The following OLA1 variants were observed in gnomAD, a reference collection of about 807,000 sequenced individuals.
OLA1 encodes the protein Obg like ATPase 1, also known as obg-like ATPase 1.
OLA1 carries 14 observed loss-of-function variants against 48.4 expected under a neutral mutation model. The observed-to-expected ratio is 0.29, with a 90% CI of 0.19 to 0.45. The LOEUF (loss-of-function observed/expected upper bound fraction) is 0.45, where lower values mean the gene tolerates loss of function less well. OLA1 is among the 20% of genes least tolerant of loss of function. The probability of loss-of-function intolerance (pLI) is 1.00; values close to 1 mark genes in which losing one functional copy is unlikely to be tolerated. For missense variants in OLA1, 325 were observed against 467.1 expected (o/e 0.70, Z 2.80); for synonymous variants, 127 against 150.4 (o/e 0.84, Z 1.14).
At position 174,079,066 on chromosome 2, in the gene OLA1, C is replaced by T. The variant is rs1260051628; in HGVS notation, c.991G>A (p.Ala331Thr). 2 of 1,603,118 alleles carry T rather than the reference C, an allele frequency of 1.2e-6. No homozygotes were observed. Among genetic ancestry groups the T allele is most frequent in the Admixed American group, 3.4e-5 (2 of 58,712 alleles). The change falls in exon 10 of 11, where the codon GCA (alanine) becomes ACA (threonine). Residue 331 changes from alanine (A) to threonine (T), a missense_variant. Physicochemically the swap from Ala to Thr is moderately conservative, Grantham distance 58. Transcript: ENST00000284719. ...TCAAAATCTGTGTGAATCTTTCCTG[C>T]AGCCTGAGGAGCCTTAGTCCCTTTC... ...IRKGTKAPQA[A>T]GKIHTDFEKG...
chr2:174,097,096 C>T (rs937879966), intron 7 of OLA1, among the ~76,000 whole-genome samples: 1 of 152,092 alleles, frequency 6.6e-6, no homozygotes, highest in Non-Finnish European at 1.5e-5. Context: ...GCGAAGGTTG[C>T]AGTGAGCCGA....
intron 4 of OLA1, among the ~76,000 whole-genome samples, chr2:174,188,290 C>A (rs1473089014): frequency 6.6e-6 from 1 of 152,008 alleles, no homozygotes; most frequent in African/African-American, 2.4e-5. Context: ...TTTTAAAAAG[C>A]CATCGAGCAG....
chr2:174,146,304 G>T (rs1686597259), intron 4 of OLA1, among the ~76,000 whole-genome samples: 1 of 152,154 alleles, frequency 6.6e-6, no homozygotes, highest in Non-Finnish European at 1.5e-5. Context: ...TAAGACTTAT[G>T]ATTTAAAGAG....
chr2:174,146,319 C>A (rs1279862057), intron 4 of OLA1, among the ~76,000 whole-genome samples: 2 of 152,088 alleles, frequency 1.3e-5, no homozygotes, highest in African/African-American at 4.8e-5. Context: ...AAAGAGGACA[C>A]TTTAGCTACT....
chr2:174,184,638 A>G (rs933699515), intron 4 of OLA1, among the ~76,000 whole-genome samples: 3 of 152,198 alleles, frequency 2.0e-5, no homozygotes, highest in Non-Finnish European at 2.9e-5. Context: ...CAATATACCA[A>G]TGTTGGTTCC....
chr2:174,111,607 G>A (rs939023647), intron 7 of OLA1, among the ~76,000 whole-genome samples: 4 of 152,048 alleles, frequency 2.6e-5, no homozygotes, highest in South Asian at 2.1e-4. Context: ...ATACATATAC[G>A]TATACAATGT....
intron 7 of OLA1, among the ~76,000 whole-genome samples, chr2:174,090,676 G>C (rs1364896646): frequency 3.9e-5 from 6 of 152,212 alleles, no homozygotes; most frequent in Non-Finnish European, 7.3e-5. Flanking sequence ...CGTAAGAAGG[G>C]AAGTGGGGAA....
intron 4 of OLA1, among the ~76,000 whole-genome samples, chr2:174,173,051 T>C (rs1316842560): frequency 2.6e-5 from 4 of 152,218 alleles, no homozygotes; most frequent in Admixed American, 6.5e-5. Flanking sequence ...GCTGGTGGCA[T>C]GCTTCCTGTA....
At chr2:174,147,878 T>C (rs770460058) in intron 4 of OLA1, among the ~76,000 whole-genome samples, 27 of 152,278 alleles carry the variant, frequency 1.8e-4, no homozygotes, top group Non-Finnish European at 3.4e-4. Context: ...GGCTGGAGTG[T>C]AGTGGTGGGA....
chr2:174,214,600 G>A (rs1374930775), intron 4 of OLA1, among the ~76,000 whole-genome samples: 1 of 152,102 alleles, frequency 6.6e-6, no homozygotes, highest in Non-Finnish European at 1.5e-5. Context: ...TATCCTTTGT[G>A]GTTAGGGCCC....
chr2:174,141,818 T>C lies in OLA1; in HGVS notation c.549+7A>G, dbSNP rs1184484048. On this transcript the variant is annotated splice_region_variant and intron_variant, in intron 5 of 10. Transcript: ENST00000284719. ...AGTATCTAAAGAAGCTGTAAATTTT[T>C]ACTTACATATTCAGGTTTTAGTTTT... The C allele has an allele frequency of 6.3e-7, 1 of 1,580,466 alleles. No homozygotes were observed. The highest frequency in any genetic ancestry group is 2.2e-5 in the East Asian group (1 of 44,576).
intron 4 of OLA1, among the ~76,000 whole-genome samples, chr2:174,174,503 G>A (rs542231565): frequency 6.6e-6 from 1 of 151,864 alleles, no homozygotes; most frequent in Non-Finnish European, 1.5e-5. Flanking sequence ...CAGCAAACTA[G>A]GAATAACGAG....
At chr2:174,172,418 G>A (rs1043842185) in intron 4 of OLA1, 1 of 154,760 alleles carries the variant, frequency 6.5e-6, no homozygotes, top group Admixed American at 6.5e-5. Context: ...TCCTATATGT[G>A]GGCAAGGAAA....
chr2:174,096,474 G>T (rs1685258724), intron 7 of OLA1, among the ~76,000 whole-genome samples: 1 of 152,164 alleles, frequency 6.6e-6, no homozygotes, highest in African/African-American at 2.4e-5. Flanking sequence ...CTAATCTAAA[G>T]ATTACAAAAC....
rs187128353 is a variant in OLA1 at position 174,203,566 on chromosome 2, G to A, written c.373+19467C>T. Among the ~76,000 whole-genome samples the A allele has an allele frequency of 1.0e-3, 153 of 149,336 alleles. 1 individual carries two copies. In the South Asian group the frequency reaches 0.015, roughly 15 times the overall value. ...TCCTCTTGCCTCAGCCTCCCAAAAT[G>A]CTGGGATTACAGGCAGAAGCCACTG... On this transcript the variant is annotated intron_variant, in intron 4 of 10. Transcript: ENST00000284719.
At chr2:174,145,341 T>C (rs1328204124) in intron 4 of OLA1, among the ~76,000 whole-genome samples, 2 of 152,078 alleles carry the variant, frequency 1.3e-5, no homozygotes, top group African/African-American at 2.4e-5. Flanking sequence ...GGGTTTTTTT[T>C]CCCCCAGAAA....
intron 4 of OLA1, among the ~76,000 whole-genome samples, chr2:174,201,770 T>C (rs1228926040): frequency 6.6e-6 from 1 of 152,226 alleles, no homozygotes; most frequent in Non-Finnish European, 1.5e-5. Context: ...TAAAAGTACA[T>C]TGTTACCATT....
At chr2:174,110,289 C>A (rs539483469) in intron 7 of OLA1, among the ~76,000 whole-genome samples, 2 of 149,140 alleles carry the variant, frequency 1.3e-5, no homozygotes, top group Admixed American at 6.8e-5. Context: ...CAGGCATGTG[C>A]CACCATGCTT....
intron 7 of OLA1, among the ~76,000 whole-genome samples, chr2:174,114,946 A>T (rs991552221): frequency 1.1e-4 from 17 of 152,174 alleles, no homozygotes; most frequent in African/African-American, 4.1e-4. Flanking sequence ...CCTGGGCAAC[A>T]TGGGAAACCC....
Sources: allele counts gnomAD v4.1 joint callset (sites outside exome capture counted in the v4.1 genomes callset), GRCh38; gene constraint gnomAD v4.1.1; transcripts MANE v1.5; gene names NCBI Gene and HGNC (gene_info 2026-07-23, HGNC 2026-07-21).